PKP2: variants seen among roughly 807,000 people sequenced by gnomAD.
PKP2 encodes plakophilin-2.
A neutral mutation model predicts 83.4 loss-of-function variants in PKP2; 73 were observed. That is an observed-to-expected ratio of 0.88 (90% CI 0.72 to 1.06). PKP2 has a LOEUF of 1.06. Among genes scored for constraint, PKP2 ranks in the 50% least tolerant of loss-of-function variants. The pLI, the probability that PKP2 is intolerant of heterozygous loss-of-function variation, is 0.00. For missense variants in PKP2, 966 were observed against 1,065.4 expected (o/e 0.91, Z 1.30); for synonymous variants, 409 against 430.4 (o/e 0.95, Z 0.62).
At chr12:32,797,385 G>A (rs898590964) in intron 10 of PKP2, among the ~76,000 whole-genome samples, 2 of 136,510 alleles carry the variant, frequency 1.5e-5, no homozygotes, top group South Asian at 2.4e-4. Flanking sequence ...GGCAGAAGTG[G>A]CAGTGGGCAG....
intron 6 of PKP2, among the ~76,000 whole-genome samples, chr12:32,828,414 T>C (rs1956463235): frequency 6.6e-6 from 1 of 152,190 alleles, no homozygotes; most frequent in African/African-American, 2.4e-5. Context: ...CTTAGATTCA[T>C]ATGGTAAACC....
In PKP2 at chr12:32,796,349, A is replaced by G. The variant is rs758480230; in HGVS notation, c.2168-51T>C. On this transcript the variant is annotated intron_variant, in intron 10 of 12. Coordinates refer to ENST00000340811, the MANE Select transcript of PKP2 (RefSeq NM_001005242.3). ...CACTTGATTAAAAAGATTGTTTCTT[A>G]ATCCCAAGATCCCAATATATTTTGG... The G allele has an allele frequency of 2.1e-6, 3 of 1,445,616 alleles. No individual in the cohort carries two copies. The African/African-American group carries it at 4.2e-5, about 20-fold the overall frequency. The allele number at this position is 1,445,616 out of a possible 1,614,324, so 89.5% of individuals were successfully genotyped here.
At chr12:32,870,588 T>C (rs1209188332) in intron 3 of PKP2, among the ~76,000 whole-genome samples, 3 of 152,134 alleles carry the variant, frequency 2.0e-5, no homozygotes, top group Non-Finnish European at 4.4e-5. Flanking sequence ...TTTTATCTAA[T>C]ATTAGAGGAT....
intron 9 of PKP2, among the ~76,000 whole-genome samples, chr12:32,810,458 C>T (rs1445511949): frequency 2.0e-5 from 3 of 152,146 alleles, no homozygotes; most frequent in Non-Finnish European, 2.9e-5. Context: ...GCCAGTCATG[C>T]ACACCTGTTT....
At chr12:32,808,070 G>C (rs1226241289) in intron 9 of PKP2, among the ~76,000 whole-genome samples, 2 of 152,152 alleles carry the variant, frequency 1.3e-5, no homozygotes, top group East Asian at 1.9e-4. Flanking sequence ...ATGTTGGCCT[G>C]TCTTGATAGG....
At chr12:32,844,306 A>T (rs1426845086) in intron 5 of PKP2, among the ~76,000 whole-genome samples, 1 of 152,210 alleles carries the variant, frequency 6.6e-6, no homozygotes, top group Non-Finnish European at 1.5e-5. Context: ...ACACAAAATC[A>T]GTGAGTAACC....
intron 8 of PKP2, 92 bp downstream of exon 8, chr12:32,822,375 T>C: frequency 9.4e-7 from 1 of 1,066,112 alleles, no homozygotes; most frequent in Non-Finnish European, 1.4e-6. Context: ...AGTGCCGATA[T>C]ATACCAAGTA....
chr12:32,804,013 A>C lies in PKP2; in HGVS notation c.2014-1457T>G, dbSNP rs992241604. Among the ~76,000 whole-genome samples the C allele has an allele frequency of 7.0e-4, 106 of 151,750 alleles. 1 individual carries two copies. The highest frequency in any genetic ancestry group is 2.4e-3 in the African/African-American group (97 of 40,996). ...TAAAAATATGATATGCCATTAATACAGTTAAAAAAAATAATGTGTTCAGGT... is the reference window on the plus strand; with the variant it reads ...TAAAAATATGATATGCCATTAATACCGTTAAAAAAAATAATGTGTTCAGGT... On this transcript the variant is annotated intron_variant, in intron 9 of 12. Coordinates refer to ENST00000340811, the MANE Select transcript of PKP2 (RefSeq NM_001005242.3).
At chr12:32,802,249 A>T (rs1470536542) in intron 10 of PKP2, among the ~76,000 whole-genome samples, 154 bp downstream of exon 10, 1 of 151,910 alleles carries the variant, frequency 6.6e-6, no homozygotes, top group Admixed American at 6.6e-5. Context: ...CCTGTTTGTG[A>T]TATCTGGTGG....
intron 4 of PKP2, among the ~76,000 whole-genome samples, chr12:32,858,127 T>C (rs1020669): frequency 2.1e-5 from 2 of 96,148 alleles, no homozygotes; most frequent in Non-Finnish European, 4.1e-5. Context: ...TTATATATAT[T>C]TTATATTTAT....
chr12:32,891,064 G>T (rs1262812620), intron 1 of PKP2, among the ~76,000 whole-genome samples: 3 of 152,108 alleles, frequency 2.0e-5, no homozygotes, highest in South Asian at 4.1e-4. Context: ...AGGGGAGCCA[G>T]GTGGCTCACT....
intron 3 of PKP2, among the ~76,000 whole-genome samples, chr12:32,873,496 C>T (rs1956910255): frequency 6.6e-6 from 1 of 152,092 alleles, no homozygotes; most frequent in Non-Finnish European, 1.5e-5. Context: ...TCTCCTAGAC[C>T]ATCATACATC....
At chr12:32,805,955 T>C (rs2137733967) in intron 9 of PKP2, among the ~76,000 whole-genome samples, 1 of 152,334 alleles carries the variant, frequency 6.6e-6, no homozygotes, top group East Asian at 1.9e-4. Context: ...AGGCCTTTTC[T>C]GCATCTATTG....
Position 32,877,902 on chromosome 12 carries a change from T to G in PKP2, c.978A>C (p.Ala326=). 6.2e-7 allele frequency: 1 copy of G among 1,614,154 alleles called. No homozygotes were observed. The highest frequency in any genetic ancestry group is 8.5e-7 in the Non-Finnish European group (1 of 1,180,004). ...CAGTGAGCAGATTCCCACTTCCCCC[T>G]GCGGCCGCCTGGCCGACAGTCAAGT... The part of the protein sequence containing the change: ...RAHLTVGQAA[A]GGSGNLLTER... The change falls in exon 3 of 13, where the codon GCA becomes GCC. Residue 326 remains alanine (A), a synonymous_variant. Transcript: ENST00000340811.
At position 32,821,348 on chromosome 12, in the gene PKP2, A is replaced by G. The variant is rs1378961035; in HGVS notation, c.2013+8T>C. ...TTTAAAAAGTAGGAAATCAGGCCCA[A>G]TACTCACTGGTCCACTTCCGGCCGT... On this transcript the variant is annotated splice_region_variant and intron_variant, in intron 9 of 12. Transcript: ENST00000340811. 6.2e-7 allele frequency: 1 copy of G among 1,612,832 alleles called. No homozygotes were observed. Among genetic ancestry groups the G allele is most frequent in the Non-Finnish European group, 8.5e-7 (1 of 1,178,896 alleles).
intron 7 of PKP2, among the ~76,000 whole-genome samples, chr12:32,822,975 T>G (rs894959701): frequency 1.3e-5 from 2 of 152,178 alleles, no homozygotes; most frequent in Non-Finnish European, 1.5e-5. Flanking sequence ...AGGAGGCTAT[T>G]GCAATAATCG....
intron 3 of PKP2, among the ~76,000 whole-genome samples, chr12:32,876,022 T>C (rs1432210131): frequency 6.6e-6 from 1 of 152,144 alleles, no homozygotes; most frequent in African/African-American, 2.4e-5. Flanking sequence ...ATGCCTTCTT[T>C]GAGCAGGCAG....
chr12:32,796,622 A>G (rs1484253398), intron 10 of PKP2, among the ~76,000 whole-genome samples: 1 of 151,940 alleles, frequency 6.6e-6, no homozygotes, highest in African/African-American at 2.4e-5. Flanking sequence ...GATGGTCTCG[A>G]TCTCCTGACC....
intron 4 of PKP2, chr12:32,863,306 G>C (rs1405707835): frequency 3.8e-6 from 1 of 261,964 alleles, no homozygotes; most frequent in Non-Finnish European, 8.1e-6. Flanking sequence ...AACAAAACCA[G>C]AGTAATCTGG....
Sources: allele counts gnomAD v4.1 joint callset (sites outside exome capture counted in the v4.1 genomes callset), GRCh38; gene constraint gnomAD v4.1.1; transcripts MANE v1.5; gene names NCBI Gene and HGNC (gene_info 2026-07-23, HGNC 2026-07-21).